The following MEPE variants were observed in gnomAD, a reference collection of about 807,000 sequenced individuals.
MEPE encodes the protein matrix extracellular phosphoglycoprotein, also known as matrix, extracellular phosphoglycoprotein with ASARM motif (bone).
A neutral mutation model predicts 7.3 loss-of-function variants in MEPE; 7 were observed. The observed-to-expected ratio is 0.95, with a 90% CI of 0.54 to 1.79. The LOEUF (loss-of-function observed/expected upper bound fraction) is 1.79, where lower values mean the gene tolerates loss of function less well. Among genes scored for constraint, MEPE ranks in the 40% most tolerant of loss-of-function variants. MEPE has a pLI of 0.00. For synonymous variants in MEPE, 214 were observed against 213.1 expected (o/e 1.00, Z -0.04); for missense variants, 623 against 628.2 (o/e 0.99, Z 0.09).
chr4:87,844,922 A>T, intron 3 of MEPE, 55 bp from the exon 4 acceptor site: 1 of 1,267,646 alleles, frequency 7.9e-7, no homozygotes, highest in African/African-American at 1.5e-5. Flanking sequence ...AAGAATTATT[A>T]TATTTTAAAA....
intron 3 of MEPE, among the ~76,000 whole-genome samples, chr4:87,842,380 A>G (rs1210031376): frequency 6.6e-6 from 1 of 152,186 alleles, no homozygotes; most frequent in Admixed American, 6.5e-5. Flanking sequence ...GACATCTTTA[A>G]TGAACACATC....
At chr4:87,835,623 T>C (rs530620401) in intron 2 of MEPE, among the ~76,000 whole-genome samples, 6 of 152,180 alleles carry the variant, frequency 3.9e-5, no homozygotes, top group South Asian at 4.2e-4. Context: ...TGGAGGGCAG[T>C]GGAAGTTGGG....
At chr4:87,836,428 T>C (rs1171168760) in intron 2 of MEPE, among the ~76,000 whole-genome samples, 3 of 152,102 alleles carry the variant, frequency 2.0e-5, no homozygotes, top group Non-Finnish European at 2.9e-5. Context: ...TGTGTGTGTG[T>C]GTGTTCTGTA....
At chr4:87,826,858 C>A (rs1185083834) in intron 1 of MEPE, among the ~76,000 whole-genome samples, 1 of 151,650 alleles carries the variant, frequency 6.6e-6, no homozygotes, top group African/African-American at 2.4e-5. Context: ...TTGTTTTTTT[C>A]TTGTAAATTT....
chr4:87,829,882 T>TTTTTTTTTG (rs1553915046), upstream of MEPE, among the ~76,000 whole-genome samples: 3 of 142,728 alleles, frequency 2.1e-5, no homozygotes, highest in South Asian at 2.2e-4. Context: ...TTTTTTTTTT[T>TTTTTTTTTG]GGACTTTGCT....
rs746510246 is a variant in MEPE, at chr4:87,838,638, C to A, written c.61C>A (p.Gln21Lys). 5 of 1,613,314 alleles carry A rather than the reference C, an allele frequency of 3.1e-6. No homozygotes were observed. Among genetic ancestry groups the A allele is most frequent in the Non-Finnish European group, 4.2e-6 (5 of 1,179,484 alleles). ...GTTTCTTGTTTCCTTTCAGACATTT[C>A]AACCACAGACTGAGAAAACTAAGCA... is the stretch of plus-strand genomic sequence containing the variant. The part of the protein sequence containing the change: ...FSVTWAAPTF[Q>K]PQTEKTKQSC... Residue 21 changes from glutamine (Q) to lysine (K), a missense_variant, in exon 3 of 4, where the codon CAA becomes AAA. Physicochemically the swap from Gln to Lys is moderately conservative, Grantham distance 53. Transcript: ENST00000361056.
intron 1 of MEPE, among the ~76,000 whole-genome samples, chr4:87,821,717 A>G (rs1173992352): frequency 6.6e-6 from 1 of 152,172 alleles, no homozygotes; most frequent in African/African-American, 2.4e-5. Context: ...TCGTGATGAC[A>G]GTACCATCTG....
chr4:87,834,867 T>C, intron 2 of MEPE, 99 bp downstream of exon 2: 1 of 956,754 alleles, frequency 1.0e-6, no homozygotes, highest in East Asian at 2.5e-5. Flanking sequence ...AGCATCTACC[T>C]AATTCAGTTA....
chr4:87,839,536 C>A (rs778759529), intron 3 of MEPE: 24 of 603,364 alleles, frequency 4.0e-5, no homozygotes, highest in Non-Finnish European at 6.1e-5. Context: ...TGACACACAC[C>A]CTCCTGTGGT....
intron 2 of MEPE, 43 bp downstream of exon 2, chr4:87,834,811 C>T (rs752118967): frequency 2.1e-5 from 32 of 1,532,420 alleles, no homozygotes; most frequent in Non-Finnish European, 2.8e-5. Flanking sequence ...TAATCTCTTG[C>T]TCTCTTCATT....
At chr4:87,839,567 G>T in intron 3 of MEPE, 1 of 694,236 alleles carries the variant, frequency 1.4e-6, no homozygotes, top group Non-Finnish European at 2.4e-6. Context: ...ACTACCATTT[G>T]TCAGAGGTAG....
chr4:87,826,461 G>A (rs1256074067), intron 1 of MEPE, among the ~76,000 whole-genome samples: 2 of 151,238 alleles, frequency 1.3e-5, no homozygotes, highest in South Asian at 2.1e-4. Context: ...GGATGGTCTC[G>A]ATCTCTTGAC....
At chr4:87,829,882 T>TTTTTTTTTTTTTTG (rs1553915046), upstream of MEPE, among the ~76,000 whole-genome samples, 2 of 142,728 alleles carry the variant, frequency 1.4e-5, no homozygotes, top group Non-Finnish European at 3.1e-5. Context: ...TTTTTTTTTT[T>TTTTTTTTTTTTTTG]GGACTTTGCT....
chr4:87,845,511 C>G lies in MEPE; in HGVS notation c.643C>G (p.Arg215Gly), dbSNP rs189348533. Residue 215 changes from arginine (R) to glycine (G), a missense_variant, in exon 4 of 4, where the codon CGT becomes GGT. Arg to Gly is a moderately radical substitution (Grantham distance 125). Coordinates refer to ENST00000361056, the MANE Select transcript of MEPE (RefSeq NM_020203.6). Reference sequence around the variant, plus strand: ...TCCAGTAAAAAGCAAAAGCACCCATCGTATTCAACACAACATTGACTACCT... The same window carrying G: ...TCCAGTAAAAAGCAAAAGCACCCATGGTATTCAACACAACATTGACTACCT... ...KSPVKSKSTH[R>G]IQHNIDYLKH... 1 of 1,612,950 alleles carries G rather than the reference C, an allele frequency of 6.2e-7. No homozygotes were observed. The highest frequency in any genetic ancestry group is 8.5e-7 in the Non-Finnish European group (1 of 1,179,740).
At chr4:87,833,250 A>G (rs1046214154) in intron 1 of MEPE, among the ~76,000 whole-genome samples, 1 of 152,060 alleles carries the variant, frequency 6.6e-6, no homozygotes, top group East Asian at 1.9e-4. Flanking sequence ...TTTTGTTATT[A>G]GCATTATCAA....
rs772377691 is a variant in MEPE at position 87,845,437 on chromosome 4, A to G, written c.569A>G (p.His190Arg). ...GCAAGTATGAATTATGCTAAAGCACACTCGAAGGATAAAAAGAAGCCTCAA... is the reference window on the plus strand; with the variant it reads ...GCAAGTATGAATTATGCTAAAGCACGCTCGAAGGATAAAAAGAAGCCTCAA... Reference protein sequence around the residue: ...IPASMNYAKAHSKDKKKPQRD... With the variant: ...IPASMNYAKARSKDKKKPQRD... Residue 190 changes from histidine to arginine, a missense_variant, in exon 4 of 4, where the codon CAC (histidine) becomes CGC (arginine). Transcript: ENST00000361056. 2.4e-5 allele frequency: 39 copies of G among 1,613,982 alleles called. No homozygotes were observed. The highest frequency in any genetic ancestry group is 3.2e-5 in the Non-Finnish European group (38 of 1,179,978).
chr4:87,824,120 G>T (rs1425712483), intron 1 of MEPE, among the ~76,000 whole-genome samples: 1 of 152,226 alleles, frequency 6.6e-6, no homozygotes, highest in Admixed American at 6.5e-5. Context: ...TATAAATTCT[G>T]CCCTCACTAT....
chr4:87,844,260 C>A (rs1047419612), intron 3 of MEPE, among the ~76,000 whole-genome samples: 1 of 152,150 alleles, frequency 6.6e-6, no homozygotes, highest in Admixed American at 6.5e-5. Context: ...TTCTTCCTGA[C>A]CACATTGTTC....
upstream of MEPE, among the ~76,000 whole-genome samples, chr4:87,829,982 C>T (rs935406687): frequency 2.0e-5 from 3 of 151,204 alleles, no homozygotes; most frequent in Non-Finnish European, 4.4e-5. Flanking sequence ...AATCAACTTG[C>T]CACAGTAAAC....
Sources: gnomAD v4.1 joint callset for allele counts (sites outside exome capture counted in the v4.1 genomes callset) on GRCh38, gnomAD v4.1.1 for gene constraint, MANE v1.5 for transcripts, NCBI Gene and HGNC (gene_info 2026-07-23, HGNC 2026-07-21) for gene names.